Variants in ARHGEF9 observed in about 807,000 individuals in gnomAD.
ARHGEF9 encodes the protein rho guanine nucleotide exchange factor 9.
Under a neutral mutation model 41.3 loss-of-function variants are expected in ARHGEF9, and 2 were observed. The observed-to-expected ratio is 0.05, with a 90% CI of 0.02 to 0.15. The LOEUF (loss-of-function observed/expected upper bound fraction) is 0.15. Among genes scored for constraint, ARHGEF9 ranks in the 10% least tolerant of loss-of-function variants. The pLI, the probability that ARHGEF9 is intolerant of heterozygous loss-of-function variation, is 1.00. For missense variants in ARHGEF9, 225 were observed against 424.7 expected, an observed-to-expected ratio of 0.53 and a Z score of 4.13; for synonymous variants, 160 against 154.4, an observed-to-expected ratio of 1.04 and a Z score of -0.27.
intron 1 of ARHGEF9, among the ~76,000 whole-genome samples, chrX:63,745,719 T>C (rs1271315972): frequency 9.0e-6 from 1 of 111,213 alleles, no homozygotes; most frequent in Non-Finnish European, 1.9e-5. Context: ...CCTAAGTGAT[T>C]CTCTGTAAAT....
intron 2 of ARHGEF9, among the ~76,000 whole-genome samples, chrX:63,711,281 G>T (rs1274977111): frequency 9.0e-6 from 1 of 111,631 alleles, no homozygotes; most frequent in African/African-American, 3.2e-5. Flanking sequence ...CTCACCTGGT[G>T]TCTGCAGAAA....
At chrX:63,785,048 A>G in intron 1 of ARHGEF9, 68 bp downstream of exon 1, 1 of 1,132,107 alleles carries the variant, frequency 8.8e-7, no homozygotes. Context: ...GGCTCGTTGG[A>G]GGAACTGGAG....
intron 4 of ARHGEF9, among the ~76,000 whole-genome samples, chrX:63,693,740 A>G (rs1556384370): frequency 9.0e-6 from 1 of 111,023 alleles, no homozygotes; most frequent in Admixed American, 9.6e-5. Flanking sequence ...AAAATACATG[A>G]ATAGACACTT....
intron 2 of ARHGEF9, among the ~76,000 whole-genome samples, chrX:63,724,149 A>T (rs1180858238): frequency 1.8e-5 from 2 of 111,347 alleles, no homozygotes; most frequent in East Asian, 2.8e-4. Flanking sequence ...AATAAAAAAA[A>T]GATGAGAAAT....
intron 1 of ARHGEF9, chrX:63,767,348 C>G (rs1206011600): frequency 1.5e-6 from 1 of 655,822 alleles, no homozygotes; most frequent in African/African-American, 2.2e-5. Flanking sequence ...ATTGAGTCAA[C>G]TTCTGAAGAA....
chrX:63,663,649 G>T (rs1293092792), intron 7 of ARHGEF9, among the ~76,000 whole-genome samples: 4 of 111,319 alleles, frequency 3.6e-5, no homozygotes, highest in Non-Finnish European at 7.5e-5. Context: ...TTCACCTCCA[G>T]AGAGCCTAGT....
chrX:63,637,129 G>A lies in ARHGEF9; in HGVS notation c.*899C>T, dbSNP rs781820263. 3.4e-6 allele frequency: 1 copy of A among 295,339 alleles called. No individual in the cohort carries two copies. Among genetic ancestry groups the A allele is most frequent in the East Asian group, 4.8e-5 (1 of 20,968 alleles). The allele number at this position is 295,339 out of a possible 1,213,427, so 24.3% of individuals were successfully genotyped here. A position where few individuals can be genotyped will look rare whatever the true frequency, so the allele number is the denominator to read the frequency against. ...GTGACTTGAAAAAAGAGAATAACTC[G>A]ATCAAACTAACTCCTAGATGCAAAA... On this transcript the variant is annotated 3_prime_UTR_variant, in exon 10 of 10. Coordinates refer to ENST00000671741, the MANE Select transcript of ARHGEF9 (RefSeq NM_001353921.2).
chrX:63,698,380 A>G (rs1381002987), intron 3 of ARHGEF9, among the ~76,000 whole-genome samples: 1 of 110,441 alleles, frequency 9.1e-6, no homozygotes, highest in Non-Finnish European at 1.9e-5. Flanking sequence ...CCCCAATCTA[A>G]ATTGCATCTT....
chrX:63,736,653 C>T (rs1401231472), intron 1 of ARHGEF9, among the ~76,000 whole-genome samples: 1 of 111,729 alleles, frequency 9.0e-6, no homozygotes, highest in Non-Finnish European at 1.9e-5. Context: ...AGAATGGTAG[C>T]CAATAGTTTT....
chrX:63,669,747 T>C (rs2049823088), intron 6 of ARHGEF9, among the ~76,000 whole-genome samples: 2 of 111,964 alleles, frequency 1.8e-5, no homozygotes. Flanking sequence ...CTTCCTCAGG[T>C]AGTATCCACA....
At chrX:63,758,712 G>A (rs1351114611) in intron 1 of ARHGEF9, among the ~76,000 whole-genome samples, 2 of 112,418 alleles carry the variant, frequency 1.8e-5, no homozygotes, top group African/African-American at 3.2e-5. Flanking sequence ...ACCACCTCCA[G>A]AAGGCTTTCT....
At chrX:63,765,330 G>A (rs1315691443) in intron 1 of ARHGEF9, among the ~76,000 whole-genome samples, 2 of 109,712 alleles carry the variant, frequency 1.8e-5, no homozygotes, top group Admixed American at 9.8e-5. Context: ...AAAGGAAGTA[G>A]CACCAGTTCC....
chrX:63,697,009 G>C (rs1384015013), intron 4 of ARHGEF9, 116 bp downstream of exon 4: 2 of 799,468 alleles, frequency 2.5e-6, no homozygotes, highest in Non-Finnish European at 1.8e-6. Context: ...AGGCCCAAGA[G>C]GAACCCATTC....
intron 1 of ARHGEF9, chrX:63,754,248 C>T (rs2055834810): frequency 8.7e-7 from 1 of 1,153,350 alleles, no homozygotes; most frequent in Admixed American, 2.2e-5. Flanking sequence ...CAACTATACG[C>T]GCAGGCATTC....
chrX:63,705,591 GA>G (rs1379749101), intron 3 of ARHGEF9, among the ~76,000 whole-genome samples: 4 of 110,527 alleles, frequency 3.6e-5, no homozygotes, highest in Non-Finnish European at 7.6e-5. Context: ...AGCTCTTGGG[GA>G]AAAAAAGTGA....
chrX:63,665,118 C>T (rs1335497771), intron 7 of ARHGEF9, among the ~76,000 whole-genome samples: 4 of 112,227 alleles, frequency 3.6e-5, no homozygotes, highest in Non-Finnish European at 5.6e-5. Flanking sequence ...TCCCAGTTAG[C>T]CCCTGGAGCC....
intron 5 of ARHGEF9, among the ~76,000 whole-genome samples, chrX:63,675,273 C>T (rs782806416): frequency 8.9e-6 from 1 of 112,012 alleles, no homozygotes; most frequent in South Asian, 3.8e-4. Flanking sequence ...AGAAGGGAGC[C>T]TCACACATGA....
intron 1 of ARHGEF9, among the ~76,000 whole-genome samples, chrX:63,757,625 T>C (rs1367124124): frequency 9.0e-6 from 1 of 111,336 alleles, no homozygotes; most frequent in African/African-American, 3.3e-5. Context: ...TCTCTCTCAT[T>C]TGTCCCTTTC....
At chrX:63,755,334 C>G (rs1325694282) in intron 1 of ARHGEF9, 27 of 682,184 alleles carry the variant, frequency 4.0e-5, no homozygotes, top group Non-Finnish European at 5.0e-5. Context: ...CTCCCCAGAC[C>G]GGCGAGAGTC....
Sources: allele counts gnomAD v4.1 joint callset (sites outside exome capture counted in the v4.1 genomes callset), GRCh38; gene constraint gnomAD v4.1.1; transcripts MANE v1.5; gene names NCBI Gene and HGNC (gene_info 2026-07-23, HGNC 2026-07-21).